Variants in CFAP99 observed in about 807,000 individuals in gnomAD.
CFAP99 encodes cilia- and flagella-associated protein 99.
In CFAP99, 84 loss-of-function variants were observed where a neutral mutation model predicts 82.7. That is an observed-to-expected ratio of 1.02 (90% CI 0.85 to 1.22). The LOEUF is 1.22. Among genes scored for constraint, CFAP99 ranks in the 50% most tolerant of loss-of-function variants. The pLI, the probability that CFAP99 is intolerant of heterozygous loss-of-function variation, is 0.00. For missense variants in CFAP99, 1,059 were observed against 983.5 expected (o/e 1.08, Z -1.03); for synonymous variants, 456 against 429.5 (o/e 1.06, Z -0.76).
At chr4:2,447,282 A>G (rs995126172) in intron 6 of CFAP99, among the ~76,000 whole-genome samples, 3 of 150,684 alleles carry the variant, frequency 2.0e-5, no homozygotes, top group African/African-American at 2.5e-5. Context: ...GGATGGATGG[A>G]CACATGGAAG....
chr4:2,442,283 G>T (rs768908646), intron 4 of CFAP99, among the ~76,000 whole-genome samples: 8 of 152,108 alleles, frequency 5.3e-5, no homozygotes, highest in Non-Finnish European at 8.8e-5. Context: ...CCCCAGCCTC[G>T]GGGCAGGGAA....
chr4:2,454,749 G>A (rs572708133), intron 11 of CFAP99, among the ~76,000 whole-genome samples: 99 of 151,182 alleles, frequency 6.5e-4, no homozygotes, highest in Non-Finnish European at 9.9e-4. Context: ...AGCCTCCTGC[G>A]TAGCCGGGAC....
rs374688932 is a variant in CFAP99 at position 2,435,059 on chromosome 4, G to A, written c.112-1815G>A. Among the ~76,000 whole-genome samples, 359 of 152,290 alleles carry A rather than the reference G, an allele frequency of 2.4e-3. 2 individuals are homozygous for A. Among genetic ancestry groups the A allele is most frequent in the African/African-American group, 8.4e-3 (350 of 41,574 alleles). On this transcript the variant is annotated intron_variant, in intron 2 of 14. Coordinates refer to ENST00000635017, the Ensembl canonical transcript of CFAP99. ...ACCTGTAATCCCAGCACTTTGGGAG[G>A]TCGAGGCAGGCAGATCACCTGAGGT...
chr4:2,450,797 C>T (rs978814545), intron 8 of CFAP99, 150 bp from the exon 9 acceptor site: 36 of 651,356 alleles, frequency 5.5e-5, no homozygotes, highest in Non-Finnish European at 8.5e-5. Flanking sequence ...CCTGACCTGG[C>T]GTGGTGGTAG....
At chr4:2,422,595 C>T (rs1393244392) in intron 1 of CFAP99, among the ~76,000 whole-genome samples, 3 of 152,168 alleles carry the variant, frequency 2.0e-5, no homozygotes, top group African/African-American at 7.2e-5. Context: ...CCACCACACA[C>T]ATGCAGACCA....
At chr4:2,438,046 T>G in intron 3 of CFAP99, 24 bp from the exon 4 acceptor site, 1 of 1,453,788 alleles carries the variant, frequency 6.9e-7, no homozygotes, top group Non-Finnish European at 9.3e-7. Flanking sequence ...TCCCTTAGCC[T>G]CTGACAGACC....
At chr4:2,450,990 G>A (rs1267764959) in exon 9 of CFAP99, 18 of 1,535,890 alleles carry the variant, frequency 1.2e-5, no homozygotes, top group South Asian at 5.9e-5. Flanking sequence ...CCCCGAATCC[G>A]AAAGACTCCG....
At chr4:2,425,950 C>G (rs1733673280) in intron 1 of CFAP99, among the ~76,000 whole-genome samples, 1 of 152,094 alleles carries the variant, frequency 6.6e-6, no homozygotes, top group African/African-American at 2.4e-5. Context: ...CCTTCTTGCC[C>G]CAACCATGTG....
Position 2,462,820 on chromosome 4 carries a change from AG to A in CFAP99, c.2041del (p.Ala681ArgfsTer?), listed in dbSNP as rs1734661686. 3.7e-6 allele frequency: 5 copies of A among 1,342,906 alleles called. No homozygotes were observed. The highest frequency in any genetic ancestry group is 4.8e-6 in the Non-Finnish European group (5 of 1,047,806). The allele number at this position is 1,342,906 out of a possible 1,614,324, so 83.2% of individuals were successfully genotyped here. A position where few individuals can be genotyped will look rare whatever the true frequency, so the allele number is the denominator to read the frequency against. ...TTCCCCGGCCTGCAGGCGCAGCTAG[AG>A]GCGCAGCACTGGCTGGAGCTGGAGC... On this transcript the variant is annotated frameshift_variant, in exon 15 of 15. Transcript: ENST00000635017. LOFTEE classifies it low-confidence loss of function (END_TRUNC). The surrounding 1 kb of genome is among the most constrained non-coding windows in gnomAD (Gnocchi z 4.1).
intron 6 of CFAP99, among the ~76,000 whole-genome samples, chr4:2,447,287 T>A (rs894881411): frequency 6.6e-6 from 1 of 150,934 alleles, no homozygotes; most frequent in Non-Finnish European, 1.5e-5. Flanking sequence ...GATGGACACA[T>A]GGAAGGATAA....
At chr4:2,454,846 T>C (rs1007839535) in intron 11 of CFAP99, among the ~76,000 whole-genome samples, 1 of 151,946 alleles carries the variant, frequency 6.6e-6, no homozygotes, top group African/African-American at 2.4e-5. Flanking sequence ...GGTCTCAAAC[T>C]CCTGACCTCA....
Position 2,452,158 on chromosome 4 carries a change from G to A in CFAP99, c.973G>A (p.Asp325Asn), listed in dbSNP as rs866058642. The A allele has an allele frequency of 9.8e-6, 15 of 1,536,192 alleles. No individual in the cohort carries two copies. In the African/African-American group the frequency reaches 1.5e-4, roughly 15 times the overall value. ...TTTGCCCAGGGTTGATAAGCTCGTG[G>A]ATGGGGCTGGGGACTTCTCTGAGTT... The change falls in exon 11 of 15, where the codon GAT (aspartate) becomes AAT (asparagine). Residue 325 changes from aspartate to asparagine, a missense_variant. By Grantham distance (23) the Asp-to-Asn change is conservative. Transcript: ENST00000635017.
At chr4:2,443,730 A>C (rs1260378788) in intron 5 of CFAP99, among the ~76,000 whole-genome samples, 4 of 152,030 alleles carry the variant, frequency 2.6e-5, no homozygotes, top group African/African-American at 9.7e-5. Flanking sequence ...TGGGGTCTAG[A>C]TATCTCTCGG....
intron 2 of CFAP99, among the ~76,000 whole-genome samples, chr4:2,433,531 C>A (rs919551620): frequency 7.9e-5 from 12 of 152,116 alleles, no homozygotes; most frequent in African/African-American, 2.9e-4. Flanking sequence ...GAGCCAGCCC[C>A]CCGCAGGATC....
At position 2,462,654 on chromosome 4, in the gene CFAP99, G is replaced by A. The variant is rs747211725; in HGVS notation, c.1873G>A (p.Gly625Arg). 2 of 1,277,960 alleles carry A rather than the reference G, an allele frequency of 1.6e-6. No homozygotes were observed. The highest frequency in any genetic ancestry group is 1.6e-5 in the African/African-American group (1 of 64,066). 79.2% of individuals were successfully genotyped at this position (1,277,960 alleles called of 1,614,324 possible). The change falls in exon 15 of 15, where the codon GGG becomes AGG. Residue 625 changes from glycine to arginine, a missense_variant. Coordinates refer to ENST00000635017, the Ensembl canonical transcript of CFAP99. This position sits in a 1 kb window ranked among gnomAD's most constrained non-coding sequence, Gnocchi z 4.1. The stretch of plus-strand genomic sequence containing the variant: ...GCCCGGGCGACTGAAAGCCGGGGCC[G>A]GGTGGGGATGGCGGGCGCGGCGCGC...
At chr4:2,451,977 T>C (rs1254645571) in intron 10 of CFAP99, among the ~76,000 whole-genome samples, 165 bp from the exon 11 acceptor site, 1 of 150,674 alleles carries the variant, frequency 6.6e-6, no homozygotes, top group Non-Finnish European at 1.5e-5. Context: ...AGGGGATGGG[T>C]GGACAGTGGG....
In CFAP99 at chr4:2,462,624, G is replaced by C. The variant is rs1734652525; in HGVS notation, c.1843G>C (p.Glu615Gln). Reference sequence around the variant, plus strand: ...GCCCCGGGTGAGTCCGGATTGGTGGGAGGAGCCCGGGCGACTGAAAGCCGG... The same window carrying C: ...GCCCCGGGTGAGTCCGGATTGGTGGCAGGAGCCCGGGCGACTGAAAGCCGG... Residue 615 changes from glutamate (E) to glutamine (Q), a missense_variant, in exon 15 of 15, where the codon GAG becomes CAG. Physicochemically the swap from Glu to Gln is conservative, Grantham distance 29. Coordinates refer to ENST00000635017, the Ensembl canonical transcript of CFAP99. The surrounding 1 kb of genome is among the most constrained non-coding windows in gnomAD (Gnocchi z 4.1). 7.5e-7 allele frequency: 1 copy of C among 1,338,022 alleles called. No homozygotes were observed. Among genetic ancestry groups the C allele is most frequent in the Admixed American group, 3.8e-5 (1 of 26,322 alleles). 82.9% of individuals were successfully genotyped at this position (1,338,022 alleles called of 1,614,324 possible).
intron 11 of CFAP99, among the ~76,000 whole-genome samples, chr4:2,457,389 A>G (rs1734461770): frequency 6.6e-6 from 1 of 152,210 alleles, no homozygotes; most frequent in South Asian, 2.1e-4. Flanking sequence ...AGGTAACTGA[A>G]AGTTCGGACT....
chr4:2,426,631 TG>T (rs1733691158), intron 2 of CFAP99, 45 bp downstream of exon 2: 1 of 1,237,706 alleles, frequency 8.1e-7, no homozygotes, highest in Non-Finnish European at 1.1e-6. Context: ...CAATGGCACC[TG>T]TTGTGCAGCT....
Sources: gnomAD v4.1 joint callset for allele counts (sites outside exome capture counted in the v4.1 genomes callset) on GRCh38, gnomAD v4.1.1 for gene constraint, Gnocchi (gnomAD v3.1) non-coding constraint, MANE v1.5 for transcripts, NCBI Gene and HGNC (gene_info 2026-07-23, HGNC 2026-07-21) for gene names.